Variants in PPP1R12A observed in about 807,000 individuals in gnomAD.
The protein encoded by PPP1R12A is myosin binding subunit.
Under a neutral mutation model 139.6 loss-of-function variants are expected in PPP1R12A, and 19 were observed. The observed-to-expected ratio is 0.14, with a 90% CI of 0.09 to 0.20. The LOEUF is 0.20. Among genes scored for constraint, PPP1R12A ranks in the 10% least tolerant of loss-of-function variants. The pLI, the probability that PPP1R12A is intolerant of heterozygous loss-of-function variation, is 1.00. For missense variants in PPP1R12A, 925 were observed against 1,211.5 expected (o/e 0.76, Z 3.51); for synonymous variants, 427 against 420.6 (o/e 1.02, Z -0.19).
chr12:79,907,476 G>T lies in PPP1R12A; in HGVS notation c.237+27219C>A, dbSNP rs190403569. On this transcript the variant is annotated intron_variant, in intron 1 of 24. Coordinates refer to ENST00000450142, the MANE Select transcript of PPP1R12A (RefSeq NM_002480.3). The stretch of plus-strand genomic sequence containing the variant: ...AAAATAAAAATTAAAGATCAAGTGG[G>T]ATATTTTCTTGGGAGGGAATGAAAA... 5.4e-3 allele frequency among the ~76,000 whole-genome samples: 821 copies of T among 152,266 alleles called. 5 individuals are homozygous for T. Among genetic ancestry groups the T allele is most frequent in the African/African-American group, 0.019 (780 of 41,560 alleles).
chr12:79,912,794 T>A (rs1330586867), intron 1 of PPP1R12A, among the ~76,000 whole-genome samples: 1 of 152,178 alleles, frequency 6.6e-6, no homozygotes, highest in Non-Finnish European at 1.5e-5. Flanking sequence ...AACATTTTTA[T>A]AACCAATCAC....
At chr12:79,906,354 T>C (rs1371849051) in intron 1 of PPP1R12A, among the ~76,000 whole-genome samples, 2 of 151,992 alleles carry the variant, frequency 1.3e-5, no homozygotes, top group Admixed American at 6.6e-5. Flanking sequence ...TATATAAAAA[T>C]ACACACAAAC....
intron 2 of PPP1R12A, among the ~76,000 whole-genome samples, chr12:79,865,336 T>C (rs567463031): frequency 6.6e-6 from 1 of 152,244 alleles, no homozygotes; most frequent in East Asian, 1.9e-4. Context: ...ATAAAAGCTA[T>C]TTATGACAAA....
chr12:79,933,907 T>C (rs1888450571), intron 1 of PPP1R12A, among the ~76,000 whole-genome samples: 1 of 152,280 alleles, frequency 6.6e-6, no homozygotes, highest in African/African-American at 2.4e-5. Flanking sequence ...GAGTGTCCCC[T>C]ATTTATTCTT....
intron 2 of PPP1R12A, among the ~76,000 whole-genome samples, chr12:79,855,200 G>T (rs936802627): frequency 3.3e-5 from 5 of 152,038 alleles, no homozygotes; most frequent in African/African-American, 1.2e-4. Flanking sequence ...GTGTTAGCCA[G>T]GATGGCCTTG....
chr12:79,901,529 A>G (rs1327725811), intron 1 of PPP1R12A, among the ~76,000 whole-genome samples: 1 of 152,112 alleles, frequency 6.6e-6, no homozygotes, highest in Non-Finnish European at 1.5e-5. Context: ...AAAAAAAAGT[A>G]TGTGAAAAGT....
intron 2 of PPP1R12A, among the ~76,000 whole-genome samples, chr12:79,851,685 G>C (rs536724668): frequency 9.9e-5 from 15 of 152,230 alleles, no homozygotes; most frequent in African/African-American, 3.6e-4. Flanking sequence ...CCAAATTTGG[G>C]AAAAGTTTTC....
rs374826330 is a variant in PPP1R12A at position 79,806,151 on chromosome 12, G to A, written c.1823+15C>T. The stretch of plus-strand genomic sequence containing the variant: ...CACACAGTAGACCTGAGCACAAAAT[G>A]TATCTGTGACTTACCTGCTTTGTGT... On this transcript the variant is annotated intron_variant, in intron 13 of 24. Transcript: ENST00000450142. 2.5e-6 allele frequency: 4 copies of A among 1,612,790 alleles called. No individual in the cohort carries two copies. Among genetic ancestry groups the A allele is most frequent in the Non-Finnish European group, 2.5e-6 (3 of 1,179,012 alleles).
chr12:79,854,934 A>G (rs967594426), intron 2 of PPP1R12A, among the ~76,000 whole-genome samples: 1 of 152,034 alleles, frequency 6.6e-6, no homozygotes, highest in African/African-American at 2.4e-5. Flanking sequence ...AGGCCTCTCA[A>G]GGTGTTGGGA....
chr12:79,780,162 C>G (rs1266709938), intron 23 of PPP1R12A: 1 of 151,798 alleles, frequency 6.6e-6, no homozygotes, highest in Non-Finnish European at 1.5e-5. Context: ...GGTGACTGTG[C>G]CACTGTACTC....
At position 79,934,743 on chromosome 12, in the gene PPP1R12A, G is replaced by C; in HGVS notation, c.189C>G (p.Gly63=). 1 of 1,550,276 alleles carries C rather than the reference G, an allele frequency of 6.5e-7. No homozygotes were observed. The highest frequency in any genetic ancestry group is 8.7e-7 in the Non-Finnish European group (1 of 1,146,256). ...CCACATTGGCGTAATTGATGTCGGC[G>C]CCGCGGTGCAGCAGCTTGAGGACCT... ...TDEVLKLLHR[G]ADINYANVDG... Residue 63 remains glycine, a synonymous_variant, in exon 1 of 25, where the codon GGC becomes GGG. Transcript: ENST00000450142.
intron 1 of PPP1R12A, among the ~76,000 whole-genome samples, chr12:79,928,557 G>C (rs906962910): frequency 6.6e-6 from 1 of 152,190 alleles, no homozygotes; most frequent in African/African-American, 2.4e-5. Flanking sequence ...AAACTATGCA[G>C]AGAAATATTT....
intron 4 of PPP1R12A, among the ~76,000 whole-genome samples, chr12:79,831,771 G>A (rs1010362793): frequency 2.0e-5 from 3 of 151,992 alleles, no homozygotes; most frequent in Non-Finnish European, 4.4e-5. Flanking sequence ...AAATATTATT[G>A]CAACATAAAG....
At chr12:79,791,664 A>C (rs1871881523) in intron 19 of PPP1R12A, among the ~76,000 whole-genome samples, 2 of 152,332 alleles carry the variant, frequency 1.3e-5, no homozygotes, top group Middle Eastern at 3.4e-3. Context: ...TTGTGGTAAA[A>C]ACCACGTAAT....
In PPP1R12A at chr12:79,817,470, G is replaced by A. The variant is rs763514139; in HGVS notation, c.1163C>T (p.Thr388Ile). The A allele has an allele frequency of 1.9e-6, 3 of 1,607,194 alleles. No individual in the cohort carries two copies. The highest frequency in any genetic ancestry group is 2.2e-5 in the South Asian group (2 of 90,048). Residue 388 changes from threonine (T) to isoleucine (I), a missense_variant, in exon 9 of 25, where the codon ACA becomes ATA. Around this residue, in one of 4 missense-constraint regions of PPP1R12A, gnomAD observed 403 missense variants for 463.7 expected, o/e 0.87. Coordinates refer to ENST00000450142, the MANE Select transcript of PPP1R12A (RefSeq NM_002480.3). Reference sequence around the variant, plus strand: ...TGTAACAGCTACAGGAGCTGCTTGTGTACTAGAAGTGTTGGCATTAGTTAC... The same window carrying A: ...TGTAACAGCTACAGGAGCTGCTTGTATACTAGAAGTGTTGGCATTAGTTAC... ...ASVTNANTSS[T>I]QAAPVAVTTP...
chr12:79,848,146 A>G (rs1473684021), intron 2 of PPP1R12A, among the ~76,000 whole-genome samples: 1 of 152,190 alleles, frequency 6.6e-6, no homozygotes, highest in Non-Finnish European at 1.5e-5. Context: ...AAGTTTTATC[A>G]TCTTTATGGA....
chr12:79,807,291 C>A lies in PPP1R12A; in HGVS notation c.1590G>T (p.Arg530Ser). Residue 530 changes from arginine to serine, a missense_variant, in exon 12 of 25, where the codon AGG becomes AGT. Transcript: ENST00000450142. The part of the protein sequence containing the change: ...SSLRTSSSYT[R>S]RKWEDDLKKN... ...TTTTAAGATCATCTTCCCATTTTCT[C>A]CTTGTATATGAACTACTTGTTCGCA... 6.4e-7 allele frequency: 1 copy of A among 1,556,154 alleles called. No homozygotes were observed.
Position 79,820,761 on chromosome 12 carries a change from C to T in PPP1R12A, c.1114+13G>A. 1 of 1,606,178 alleles carries T rather than the reference C, an allele frequency of 6.2e-7. No individual in the cohort carries two copies. The highest frequency in any genetic ancestry group is 8.5e-7 in the Non-Finnish European group (1 of 1,177,130). On this transcript the variant is annotated intron_variant, in intron 8 of 24. Transcript: ENST00000450142. ...CAAAATTCAACGAAAATGCATTTAT[C>T]TTTTAATTTTACCTGTTTCAGCTTC...
At chr12:79,839,625 C>T (rs1303146283) in intron 3 of PPP1R12A, among the ~76,000 whole-genome samples, 5 of 152,114 alleles carry the variant, frequency 3.3e-5, no homozygotes, top group African/African-American at 4.8e-5. Flanking sequence ...TGAGTTCCCA[C>T]GAGATCTGAC....
Sources: gnomAD v4.1 joint callset for allele counts (sites outside exome capture counted in the v4.1 genomes callset) on GRCh38, gnomAD v4.1.1 for gene constraint, gnomAD v4.1.1 regional missense constraint, MANE v1.5 for transcripts, NCBI Gene and HGNC (gene_info 2026-07-23, HGNC 2026-07-21) for gene names.